Variants in RHOH observed in about 807,000 individuals in gnomAD.
RHOH encodes rho-related GTP-binding protein RhoH.
A neutral mutation model predicts 13.8 loss-of-function variants in RHOH; 6 were observed. The observed-to-expected ratio is 0.44, with a 90% CI of 0.24 to 0.86. The LOEUF is 0.86. RHOH is among the 40% of genes least tolerant of loss of function. The pLI, the probability that RHOH is intolerant of heterozygous loss-of-function variation, is 0.24. For missense variants in RHOH, 147 were observed against 244.5 expected (o/e 0.60, Z 2.66); for synonymous variants, 117 against 103.0 (o/e 1.14, Z -0.82).
At chr4:40,232,603 CT>C (rs1728077237) in intron 1 of RHOH, among the ~76,000 whole-genome samples, 1 of 152,056 alleles carries the variant, frequency 6.6e-6, no homozygotes, top group Non-Finnish European at 1.5e-5. Context: ...TGACTGTTAA[CT>C]GATTTTAACT....
At chr4:40,191,191 A>C (rs1275553575), upstream of RHOH, 3 of 152,136 alleles carry the variant, frequency 2.0e-5, no homozygotes, top group Admixed American at 6.6e-5. Context: ...TCTTACTAAC[A>C]CTACATTTTA....
At chr4:40,191,308 CA>C (rs1417941906), upstream of RHOH, 1 of 152,182 alleles carries the variant, frequency 6.6e-6, no homozygotes, top group Non-Finnish European at 1.5e-5. Context: ...TTTTAGGAGA[CA>C]GCCATTCGGA....
chr4:40,235,619 A>G (rs1166834853), intron 1 of RHOH, among the ~76,000 whole-genome samples: 2 of 150,948 alleles, frequency 1.3e-5, no homozygotes, highest in Non-Finnish European at 1.5e-5. Flanking sequence ...GAAAAAAGAA[A>G]AAAAAAAAGC....
At chr4:40,242,416 T>A (rs1170273675) in intron 1 of RHOH, among the ~76,000 whole-genome samples, 2 of 152,258 alleles carry the variant, frequency 1.3e-5, no homozygotes, top group African/African-American at 2.4e-5. Flanking sequence ...CCTAAATTTA[T>A]CACAATCTTG....
At chr4:40,205,704 G>A (rs993093650) in intron 1 of RHOH, 1 of 152,154 alleles carries the variant, frequency 6.6e-6, no homozygotes, top group African/African-American at 2.4e-5. Flanking sequence ...CAACCCTACT[G>A]GAAGTGGTAA....
intron 1 of RHOH, chr4:40,205,703 T>C (rs1374112514): frequency 6.6e-6 from 1 of 152,152 alleles, no homozygotes; most frequent in African/African-American, 2.4e-5. Flanking sequence ...CCAACCCTAC[T>C]GGAAGTGGTA....
upstream of RHOH, among the ~76,000 whole-genome samples, chr4:40,195,367 T>TTCCC (rs1184218000): frequency 1.8e-5 from 2 of 108,172 alleles, no homozygotes; most frequent in African/African-American, 8.1e-5. Context: ...CCTTCCTTCC[T>TTCCC]TCCTTCCTTC....
chr4:40,231,749 AGGAGCC>A lies in RHOH; in HGVS notation c.-330-10964_-330-10959del, dbSNP rs1727973264. 2.6e-5 allele frequency among the ~76,000 whole-genome samples: 4 copies of A among 152,036 alleles called. No homozygotes were observed. The South Asian group carries it at 8.3e-4, about 32-fold the overall frequency. On this transcript the variant is annotated intron_variant, in intron 1 of 2. Transcript: ENST00000381799. The stretch of plus-strand genomic sequence containing the variant: ...TAAAGTCATCCTTGATCCCAACGGC[AGGAGCC>A]TCCCACTTGCCTCTTTGGTCTTTCC...
chr4:40,230,432 G>A (rs1365156044), intron 1 of RHOH, among the ~76,000 whole-genome samples: 1 of 152,050 alleles, frequency 6.6e-6, no homozygotes. Context: ...CCAGGTTCAA[G>A]CGATTTTCCT....
chr4:40,194,436 C>T (rs1579207363), upstream of RHOH, among the ~76,000 whole-genome samples: 1 of 152,200 alleles, frequency 6.6e-6, no homozygotes, highest in East Asian at 1.9e-4. Flanking sequence ...ACCATGTTGG[C>T]CAGGCTGGTC....
chr4:40,205,453 T>C (rs1724536789), intron 1 of RHOH, among the ~76,000 whole-genome samples: 1 of 152,236 alleles, frequency 6.6e-6, no homozygotes, highest in Non-Finnish European at 1.5e-5. Flanking sequence ...TGTAGTTGTC[T>C]TATCTGAAGC....
At chr4:40,207,048 A>G (rs112158204) in intron 1 of RHOH, among the ~76,000 whole-genome samples, 309 of 152,170 alleles carry the variant, frequency 2.0e-3, no homozygotes, top group African/African-American at 6.8e-3. Flanking sequence ...CTCTTCTAAA[A>G]CTACAAAAAT....
chr4:40,231,979 T>C (rs1727999456), intron 1 of RHOH, among the ~76,000 whole-genome samples: 1 of 152,234 alleles, frequency 6.6e-6, no homozygotes, highest in Admixed American at 6.5e-5. Flanking sequence ...CATGTTCTAA[T>C]ACCATGGCCT....
intron 1 of RHOH, among the ~76,000 whole-genome samples, chr4:40,215,922 A>G (rs973561145): frequency 1.3e-5 from 2 of 151,638 alleles, no homozygotes; most frequent in Non-Finnish European, 2.9e-5. Context: ...TCTGTATCAA[A>G]AAACAAACAA....
At chr4:40,225,368 CG>C (rs1271515474) in intron 1 of RHOH, among the ~76,000 whole-genome samples, 1 of 151,758 alleles carries the variant, frequency 6.6e-6, no homozygotes, top group East Asian at 1.9e-4. Context: ...TTATAGATGT[CG>C]GCCAGTACAC....
chr4:40,206,898 T>C (rs1479766556), intron 1 of RHOH, among the ~76,000 whole-genome samples: 3 of 152,216 alleles, frequency 2.0e-5, no homozygotes, highest in Non-Finnish European at 1.5e-5. Context: ...ATCTTATTTG[T>C]AAGTGTTTAT....
chr4:40,221,079 A>G (rs112668617), intron 1 of RHOH, among the ~76,000 whole-genome samples: 1,638 of 152,324 alleles, frequency 0.011, 28 homozygotes, highest in African/African-American at 0.038. Flanking sequence ...CCCTTAGGCA[A>G]TTGAGGGAGT....
intron 1 of RHOH, among the ~76,000 whole-genome samples, chr4:40,206,389 A>G (rs13435586): frequency 0.17 from 25,927 of 152,078 alleles, 2,461 homozygotes; most frequent in East Asian, 0.39. Flanking sequence ...AATGATCCCA[A>G]CTGTGGTTGA....
intron 1 of RHOH, among the ~76,000 whole-genome samples, chr4:40,225,882 A>G (rs1727167538): frequency 6.6e-6 from 1 of 152,044 alleles, no homozygotes; most frequent in African/African-American, 2.4e-5. Flanking sequence ...TCTGAACCCC[A>G]GCATCTCTTC....
Sources: allele counts gnomAD v4.1 joint callset (sites outside exome capture counted in the v4.1 genomes callset), GRCh38; gene constraint gnomAD v4.1.1; transcripts MANE v1.5; gene names NCBI Gene and HGNC (gene_info 2026-07-23, HGNC 2026-07-21).